The following ANTXR1 variants were observed in gnomAD, a reference collection of about 807,000 sequenced individuals.
ANTXR1 encodes the protein anthrax toxin receptor 1.
In ANTXR1, 19 loss-of-function variants were observed where a neutral mutation model predicts 78.1. That is an observed-to-expected ratio of 0.24 (90% CI 0.17 to 0.36). The LOEUF (loss-of-function observed/expected upper bound fraction) is 0.36. ANTXR1 is among the 10% of genes least tolerant of loss of function. The pLI is 1.00. For synonymous variants in ANTXR1, 273 were observed against 260.5 expected (o/e 1.05, Z -0.46); for missense variants, 518 against 718.6 (o/e 0.72, Z 3.19).
At chr2:69,015,895 T>C (rs1055858675) in intron 1 of ANTXR1, among the ~76,000 whole-genome samples, 19 of 152,082 alleles carry the variant, frequency 1.2e-4, no homozygotes, top group African/African-American at 4.6e-4. Flanking sequence ...ATAGCCTAAG[T>C]GCATAATTCA....
At chr2:69,047,592 A>G (rs1669807915) in intron 3 of ANTXR1, among the ~76,000 whole-genome samples, 1 of 152,030 alleles carries the variant, frequency 6.6e-6, no homozygotes, top group Admixed American at 6.6e-5. Flanking sequence ...TCTTGAATCT[A>G]TAAACTTGTC....
chr2:69,039,430 T>C (rs1669547301), intron 1 of ANTXR1, among the ~76,000 whole-genome samples: 1 of 152,220 alleles, frequency 6.6e-6, no homozygotes, highest in African/African-American at 2.4e-5. Flanking sequence ...CAAAAAGCTG[T>C]GTCGTTTTTC....
intron 13 of ANTXR1, among the ~76,000 whole-genome samples, chr2:69,161,469 C>T (rs1256144403): frequency 6.6e-6 from 1 of 152,182 alleles, no homozygotes; most frequent in Non-Finnish European, 1.5e-5. Context: ...TTGGTACCAT[C>T]CTTTGCTAAA....
intron 14 of ANTXR1, among the ~76,000 whole-genome samples, chr2:69,180,520 C>A (rs941776158): frequency 2.0e-5 from 3 of 152,228 alleles, no homozygotes; most frequent in Non-Finnish European, 4.4e-5. Flanking sequence ...ACAAGTTCCT[C>A]ATCTTCTTTC....
intron 10 of ANTXR1, among the ~76,000 whole-genome samples, chr2:69,119,023 C>T (rs6760880): frequency 0.14 from 22,006 of 151,888 alleles, 1,709 homozygotes; most frequent in African/African-American, 0.18. Context: ...GCAGGCCTCC[C>T]AGTGAGATTT....
intron 17 of ANTXR1, among the ~76,000 whole-genome samples, chr2:69,227,864 C>CT (rs1270735554): frequency 6.6e-6 from 1 of 152,252 alleles, no homozygotes; most frequent in Non-Finnish European, 1.5e-5. Flanking sequence ...CCACACCCAC[C>CT]TGCAATCCTT....
At chr2:69,166,491 G>A (rs1673831371) in intron 13 of ANTXR1, among the ~76,000 whole-genome samples, 1 of 152,124 alleles carries the variant, frequency 6.6e-6, no homozygotes, top group African/African-American at 2.4e-5. Flanking sequence ...CTATCCCAAG[G>A]AGGCAAATGG....
At chr2:69,148,477 C>T (rs1673292512) in intron 12 of ANTXR1, among the ~76,000 whole-genome samples, 1 of 152,188 alleles carries the variant, frequency 6.6e-6, no homozygotes, top group South Asian at 2.1e-4. Context: ...AAACTGCCCA[C>T]GTTTAAATTC....
chr2:69,235,312 C>T (rs984753026), intron 17 of ANTXR1, among the ~76,000 whole-genome samples: 4 of 151,930 alleles, frequency 2.6e-5, no homozygotes, highest in Admixed American at 6.6e-5. Context: ...CATGAGCCAC[C>T]GTGCCCAGCC....
At chr2:69,138,009 G>A (rs1181676691) in intron 12 of ANTXR1, among the ~76,000 whole-genome samples, 4 of 151,124 alleles carry the variant, frequency 2.6e-5, no homozygotes, top group African/African-American at 4.9e-5. Context: ...GCTAGAACCC[G>A]GGAGGCGGAG....
chr2:69,084,848 C>CTTTTT (rs10708894), intron 8 of ANTXR1, among the ~76,000 whole-genome samples: 4 of 94,052 alleles, frequency 4.3e-5, no homozygotes, highest in African/African-American at 1.7e-4. Context: ...GAAAAGGCAA[C>CTTTTT]TTTTTTTTTT....
At chr2:69,143,506 G>A (rs183225200) in intron 12 of ANTXR1, among the ~76,000 whole-genome samples, 21 of 152,266 alleles carry the variant, frequency 1.4e-4, no homozygotes, top group Admixed American at 3.9e-4. Flanking sequence ...ACAATTGAAT[G>A]GTCCTGAATA....
intron 1 of ANTXR1, among the ~76,000 whole-genome samples, chr2:69,022,167 C>T (rs1671208134): frequency 6.6e-6 from 1 of 152,070 alleles, no homozygotes; most frequent in Admixed American, 6.5e-5. Context: ...GGAACACAGA[C>T]CACTGCAGCA....
At chr2:69,245,155 C>G in intron 17 of ANTXR1, 70 bp from the exon 18 acceptor site, 1 of 1,588,916 alleles carries the variant, frequency 6.3e-7, no homozygotes, top group Non-Finnish European at 8.6e-7. Flanking sequence ...TGCAAGCCGC[C>G]CACCACAGCA....
chr2:69,089,217 T>C (rs189362058), intron 8 of ANTXR1, among the ~76,000 whole-genome samples: 1 of 152,288 alleles, frequency 6.6e-6, no homozygotes, highest in Admixed American at 6.5e-5. Context: ...CAAGAAGAAA[T>C]GTTGCTTTTG....
chr2:69,200,054 C>T, intron 17 of ANTXR1, among the ~76,000 whole-genome samples: 1 of 152,134 alleles, frequency 6.6e-6, no homozygotes, highest in East Asian at 1.9e-4. Flanking sequence ...AATCATCTAC[C>T]AACCAGCCTG....
rs997176757 is a variant in ANTXR1, at chr2:69,079,390, T to C, written c.642+1902T>C. On this transcript the variant is annotated intron_variant, in intron 8 of 17. Transcript: ENST00000303714. ...GGTGGATTATTCTGGGCAGGAGTCC[T>C]CATGAGAAGGCAGCGCAGACCCGAA... Among the ~76,000 whole-genome samples, 7 of 152,158 alleles carry C rather than the reference T, an allele frequency of 4.6e-5. No homozygotes were observed. In the South Asian group the frequency reaches 1.5e-3, roughly 32 times the overall value.
intron 12 of ANTXR1, among the ~76,000 whole-genome samples, chr2:69,142,581 G>C (rs552096818): frequency 6.6e-6 from 1 of 152,188 alleles, no homozygotes; most frequent in Non-Finnish European, 1.5e-5. Context: ...TGGCAAAACC[G>C]TGTCCATTTT....
At chr2:69,024,901 A>G (rs1345348284) in intron 1 of ANTXR1, among the ~76,000 whole-genome samples, 1 of 152,176 alleles carries the variant, frequency 6.6e-6, no homozygotes, top group African/African-American at 2.4e-5. Flanking sequence ...TGATGTCGAT[A>G]CTATCTTCCC....
Sources: gnomAD v4.1 joint callset for allele counts (sites outside exome capture counted in the v4.1 genomes callset) on GRCh38, gnomAD v4.1.1 for gene constraint, MANE v1.5 for transcripts, NCBI Gene and HGNC (gene_info 2026-07-23, HGNC 2026-07-21) for gene names.